GPC5: variants seen among roughly 807,000 people sequenced by gnomAD.
The protein encoded by GPC5 is glypican-5.
A neutral mutation model predicts 53.9 loss-of-function variants in GPC5; 47 were observed. That is an observed-to-expected ratio of 0.87 (90% confidence interval 0.69 to 1.11). The LOEUF is 1.11. Among genes scored for constraint, GPC5 ranks in the 50% most tolerant of loss-of-function variants. The pLI is 0.00. For missense variants in GPC5, 748 were observed against 713.1 expected, an observed-to-expected ratio of 1.05 and a Z score of -0.56; for synonymous variants, 286 against 263.3, an observed-to-expected ratio of 1.09 and a Z score of -0.84.
At chr13:92,664,403 T>G (rs2139193355) in intron 7 of GPC5, among the ~76,000 whole-genome samples, 1 of 152,178 alleles carries the variant, frequency 6.6e-6, no homozygotes, top group Non-Finnish European at 1.5e-5. Context: ...TTTTACTTCC[T>G]TCTTCAGCTT....
intron 7 of GPC5, among the ~76,000 whole-genome samples, chr13:92,302,904 A>G (rs189653451): frequency 1.8e-4 from 28 of 152,196 alleles, no homozygotes; most frequent in African/African-American, 6.5e-4. Context: ...CAAAGGAGTG[A>G]AGAGAAGGCT....
chr13:92,327,479 C>A (rs1346947874), intron 7 of GPC5, among the ~76,000 whole-genome samples: 1 of 152,116 alleles, frequency 6.6e-6, no homozygotes, highest in South Asian at 2.1e-4. Flanking sequence ...AGTACTCAAC[C>A]TATCAAAATA....
At chr13:92,155,945 A>G (rs1593939810) in intron 7 of GPC5, among the ~76,000 whole-genome samples, 1 of 152,200 alleles carries the variant, frequency 6.6e-6, no homozygotes, top group Non-Finnish European at 1.5e-5. Context: ...TGCAATATTT[A>G]TGGTGATAAA....
At chr13:92,730,690 T>A (rs1374833133) in intron 7 of GPC5, among the ~76,000 whole-genome samples, 1 of 151,344 alleles carries the variant, frequency 6.6e-6, no homozygotes, top group East Asian at 1.9e-4. Context: ...TTACTGTTTC[T>A]CTGGAGAGAG....
chr13:91,708,144 G>A (rs554020372), intron 3 of GPC5, among the ~76,000 whole-genome samples: 1 of 152,132 alleles, frequency 6.6e-6, no homozygotes, highest in South Asian at 2.1e-4. Flanking sequence ...AGGGAAAAGC[G>A]TTTATAAGGT....
At chr13:91,681,271 A>G (rs1302204630) in intron 2 of GPC5, among the ~76,000 whole-genome samples, 2 of 152,190 alleles carry the variant, frequency 1.3e-5, no homozygotes, top group African/African-American at 4.8e-5. Flanking sequence ...CAGAGGAATG[A>G]GTGAAAGAAA....
chr13:92,598,146 A>G (rs571494254), intron 7 of GPC5, among the ~76,000 whole-genome samples: 84 of 152,350 alleles, frequency 5.5e-4, no homozygotes, highest in African/African-American at 1.9e-3. Flanking sequence ...TTAGTGATGC[A>G]TGATATTTTA....
At chr13:92,172,783 A>C (rs977883897) in intron 7 of GPC5, among the ~76,000 whole-genome samples, 2 of 152,096 alleles carry the variant, frequency 1.3e-5, no homozygotes, top group Non-Finnish European at 2.9e-5. Flanking sequence ...TTGAAACTGG[A>C]AATGTGCAAC....
intron 7 of GPC5, among the ~76,000 whole-genome samples, chr13:92,156,083 G>A (rs186740163): frequency 2.4e-4 from 36 of 152,048 alleles, no homozygotes; most frequent in Admixed American, 1.1e-3. Flanking sequence ...TTCTGTTCTC[G>A]TCATGTAGTG....
intron 7 of GPC5, among the ~76,000 whole-genome samples, chr13:92,227,760 T>G (rs2042498875): frequency 6.6e-6 from 1 of 152,164 alleles, no homozygotes; most frequent in South Asian, 2.1e-4. Context: ...TCTTAATTTT[T>G]AATGCTTGTG....
chr13:92,031,746 T>TAC (rs2138807755), intron 6 of GPC5, among the ~76,000 whole-genome samples: 1 of 86,340 alleles, frequency 1.2e-5, no homozygotes, highest in East Asian at 3.1e-4. Context: ...TTATATATAA[T>TAC]ATATATTATA....
chr13:91,847,617 T>A (rs2038866893), intron 5 of GPC5, among the ~76,000 whole-genome samples: 1 of 152,164 alleles, frequency 6.6e-6, no homozygotes, highest in Non-Finnish European at 1.5e-5. Flanking sequence ...GTAATTAAGA[T>A]CAAAAGAATA....
intron 7 of GPC5, among the ~76,000 whole-genome samples, chr13:92,413,538 C>T (rs778528786): frequency 5.3e-5 from 8 of 152,020 alleles, no homozygotes; most frequent in Non-Finnish European, 1.0e-4. Flanking sequence ...TTTCCATTTT[C>T]GTAAACCAAA....
chr13:91,556,148 C>G (rs1456974293), intron 2 of GPC5, among the ~76,000 whole-genome samples: 1 of 151,924 alleles, frequency 6.6e-6, no homozygotes, highest in Non-Finnish European at 1.5e-5. Context: ...ATTTCAAGAA[C>G]ACTATATAAC....
intron 7 of GPC5, among the ~76,000 whole-genome samples, chr13:92,603,099 G>A (rs1022584744): frequency 1.3e-5 from 2 of 152,120 alleles, no homozygotes; most frequent in African/African-American, 2.4e-5. Context: ...CAGAAGAAAA[G>A]CAATTGTTGA....
Position 92,578,289 on chromosome 13 carries a change from A to G in GPC5, c.1562-287993A>G, listed in dbSNP as rs189169551. Among the ~76,000 whole-genome samples the G allele has an allele frequency of 3.9e-5, 6 of 152,330 alleles. No homozygotes were observed. The East Asian group carries it at 9.7e-4, about 25-fold the overall frequency. ...ACTCAGTTTCCATAACTCCTGGGGT[A>G]ATTCCAATGAGCAACGAAGTTTGAG... On this transcript the variant is annotated intron_variant, in intron 7 of 7. Coordinates refer to ENST00000377067, the MANE Select transcript of GPC5 (RefSeq NM_004466.6).
intron 7 of GPC5, among the ~76,000 whole-genome samples, chr13:92,508,088 C>G (rs1472815829): frequency 3.3e-5 from 5 of 152,064 alleles, no homozygotes. Flanking sequence ...CTCAGCCTCC[C>G]CAGTAGCTGG....
intron 5 of GPC5, among the ~76,000 whole-genome samples, chr13:91,770,854 T>A (rs1290521526): frequency 6.6e-6 from 1 of 152,066 alleles, no homozygotes; most frequent in East Asian, 1.9e-4. Context: ...TATTTCAAAT[T>A]GGCCAATTTT....
At chr13:91,634,622 A>AT (rs935176382) in intron 2 of GPC5, among the ~76,000 whole-genome samples, 3 of 151,928 alleles carry the variant, frequency 2.0e-5, no homozygotes, top group Non-Finnish European at 2.9e-5. Flanking sequence ...GGGAGTAATA[A>AT]TTTTTTTCCT....
Sources: gnomAD v4.1 joint callset for allele counts (sites outside exome capture counted in the v4.1 genomes callset) on GRCh38, gnomAD v4.1.1 for gene constraint, MANE v1.5 for transcripts, NCBI Gene and HGNC (gene_info 2026-07-23, HGNC 2026-07-21) for gene names.